Variants in ADAMTS17 observed in about 807,000 individuals in gnomAD.
ADAMTS17 encodes A disintegrin and metalloproteinase with thrombospondin motifs 17.
ADAMTS17 carries 113 observed loss-of-function variants against 141.5 expected under a neutral mutation model. The ratio of observed to expected loss-of-function variants is 0.80; its 90% CI spans 0.69 to 0.93. The LOEUF (loss-of-function observed/expected upper bound fraction) is 0.93, where lower values mean the gene tolerates loss of function less well. Among genes scored for constraint, ADAMTS17 ranks in the 40% least tolerant of loss-of-function variants. The pLI is 0.00. For synonymous variants in ADAMTS17, 768 were observed against 630.6 expected (o/e 1.22, Z -3.27); for missense variants, 1,659 against 1,517.9 (o/e 1.09, Z -1.54).
At chr15:100,219,724 T>C (rs1481262600) in intron 7 of ADAMTS17, among the ~76,000 whole-genome samples, 1 of 152,172 alleles carries the variant, frequency 6.6e-6, no homozygotes, top group Non-Finnish European at 1.5e-5. Context: ...AAAGAATAAT[T>C]CTGACTGTTC....
chr15:100,114,252 T>C (rs553443458), intron 13 of ADAMTS17, among the ~76,000 whole-genome samples: 1 of 151,728 alleles, frequency 6.6e-6, no homozygotes, highest in Non-Finnish European at 1.5e-5. Context: ...GCCAAAGAAT[T>C]CCGCAGCGAT....
intron 4 of ADAMTS17, among the ~76,000 whole-genome samples, chr15:100,278,986 CCAGGCCACCA>C (rs2142069323): frequency 6.6e-6 from 1 of 152,248 alleles, no homozygotes; most frequent in South Asian, 2.1e-4. Context: ...TCTCCTTTGT[CCAGGCCACCA>C]CATGCCACCA....
intron 3 of ADAMTS17, among the ~76,000 whole-genome samples, chr15:100,316,318 T>C (rs1446963633): frequency 6.6e-6 from 1 of 152,170 alleles, no homozygotes; most frequent in Non-Finnish European, 1.5e-5. Flanking sequence ...CAGGTTTTCT[T>C]GCCTAGAAGC....
intron 12 of ADAMTS17, among the ~76,000 whole-genome samples, chr15:100,131,720 G>A (rs901960882): frequency 3.3e-5 from 5 of 152,158 alleles, no homozygotes; most frequent in Non-Finnish European, 5.9e-5. Flanking sequence ...TGGAGGGACT[G>A]TCATACAGCT....
Position 100,249,471 on chromosome 15 carries a change from G to C in ADAMTS17, c.1075+4665C>G, listed in dbSNP as rs1376736383. 3.3e-5 allele frequency among the ~76,000 whole-genome samples: 5 copies of C among 152,234 alleles called. No individual in the cohort carries two copies. The East Asian group carries it at 9.6e-4, about 29-fold the overall frequency. ...CCAGAATCTCCCTCACTCCAGTGCA[G>C]GTGGGGTGGGGAGGGGCAGACCACA... On this transcript the variant is annotated intron_variant, in intron 7 of 21. Coordinates refer to ENST00000268070, the MANE Select transcript of ADAMTS17 (RefSeq NM_139057.4).
intron 7 of ADAMTS17, among the ~76,000 whole-genome samples, chr15:100,248,522 C>T (rs937326779): frequency 6.6e-6 from 1 of 152,180 alleles, no homozygotes; most frequent in African/African-American, 2.4e-5. Flanking sequence ...CAGGACAGCA[C>T]CTATGTCACA....
chr15:100,268,362 T>C (rs925062070), intron 4 of ADAMTS17, among the ~76,000 whole-genome samples: 1 of 152,230 alleles, frequency 6.6e-6, no homozygotes, highest in South Asian at 2.1e-4. Context: ...TTGAGTTCTC[T>C]GAGAAATCTC....
intron 8 of ADAMTS17, among the ~76,000 whole-genome samples, chr15:100,156,035 G>A (rs1021273395): frequency 3.9e-5 from 6 of 152,164 alleles, no homozygotes; most frequent in Non-Finnish European, 8.8e-5. Flanking sequence ...GTATAAGGAT[G>A]ACCATCTTTC....
At chr15:100,026,248 G>A (rs142362615) in intron 18 of ADAMTS17, among the ~76,000 whole-genome samples, 190 of 152,298 alleles carry the variant, frequency 1.2e-3, no homozygotes, top group African/African-American at 4.3e-3. Context: ...TCATTGTGTC[G>A]TATTTCATTG....
chr15:100,232,981 T>A (rs181143661), intron 7 of ADAMTS17, among the ~76,000 whole-genome samples: 1 of 152,242 alleles, frequency 6.6e-6, no homozygotes, highest in African/African-American at 2.4e-5. Context: ...TCAGTAAATA[T>A]GGGTTGAATC....
chr15:100,206,112 C>T (rs933164395), intron 7 of ADAMTS17, among the ~76,000 whole-genome samples: 7 of 152,334 alleles, frequency 4.6e-5, no homozygotes, highest in East Asian at 1.9e-4. Flanking sequence ...TGGGGAGCAA[C>T]GGCGGGCGGC....
At chr15:100,309,566 C>T (rs1248761786) in intron 3 of ADAMTS17, among the ~76,000 whole-genome samples, 1 of 152,218 alleles carries the variant, frequency 6.6e-6, no homozygotes, top group Non-Finnish European at 1.5e-5. Flanking sequence ...TAATCCCAAA[C>T]CCATTCCCAT....
At chr15:100,003,965 T>G (rs2060981415) in intron 18 of ADAMTS17, among the ~76,000 whole-genome samples, 1 of 152,232 alleles carries the variant, frequency 6.6e-6, no homozygotes, top group Admixed American at 6.5e-5. Flanking sequence ...ACAAGGTGAA[T>G]GTACTTACTG....
chr15:100,291,741 A>G (rs560335726), intron 3 of ADAMTS17, among the ~76,000 whole-genome samples: 1 of 152,368 alleles, frequency 6.6e-6, no homozygotes, highest in East Asian at 1.9e-4. Flanking sequence ...ACACCAGAAC[A>G]GAAAACCAAA....
chr15:100,270,085 C>T (rs576392028), intron 4 of ADAMTS17, among the ~76,000 whole-genome samples: 12 of 152,292 alleles, frequency 7.9e-5, no homozygotes, highest in African/African-American at 2.6e-4. Context: ...TTAAAAACGG[C>T]CAAGGTGGAT....
intron 12 of ADAMTS17, among the ~76,000 whole-genome samples, chr15:100,127,112 A>C (rs866537354): frequency 3.3e-5 from 5 of 152,290 alleles, no homozygotes; most frequent in Non-Finnish European, 7.4e-5. Flanking sequence ...GCTGTGGCCG[A>C]GAGCACAAAG....
At chr15:100,229,373 G>A (rs1464278511) in intron 7 of ADAMTS17, among the ~76,000 whole-genome samples, 1 of 151,246 alleles carries the variant, frequency 6.6e-6, no homozygotes, top group Non-Finnish European at 1.5e-5. Flanking sequence ...TGAAACATGA[G>A]TGTTGCTGAT....
chr15:100,141,413 A>C (rs2038644828), intron 10 of ADAMTS17, among the ~76,000 whole-genome samples: 1 of 152,174 alleles, frequency 6.6e-6, no homozygotes, highest in Non-Finnish European at 1.5e-5. Flanking sequence ...ACTCAAAATG[A>C]TACTGAATGA....
At chr15:100,176,871 T>C (rs181160994) in intron 8 of ADAMTS17, among the ~76,000 whole-genome samples, 169 of 152,376 alleles carry the variant, frequency 1.1e-3, no homozygotes, top group Middle Eastern at 0.01. Flanking sequence ...GCATTATGTA[T>C]GCTTTTGAAA....
Sources: gnomAD v4.1 joint callset for allele counts (sites outside exome capture counted in the v4.1 genomes callset) on GRCh38, gnomAD v4.1.1 for gene constraint, MANE v1.5 for transcripts, NCBI Gene and HGNC (gene_info 2026-07-23, HGNC 2026-07-21) for gene names.